Variants in IQSEC1 observed in about 807,000 individuals in gnomAD.
IQSEC1 encodes IQ motif and Sec7 domain ArfGEF 1.
IQSEC1 carries 31 observed loss-of-function variants against 91.0 expected under a neutral mutation model. The ratio of observed to expected loss-of-function variants is 0.34; its 90% confidence interval spans 0.26 to 0.46. The LOEUF (loss-of-function observed/expected upper bound fraction) is 0.46. Among genes scored for constraint, IQSEC1 ranks in the 20% least tolerant of loss-of-function variants. The probability of loss-of-function intolerance (pLI) is 1.00; values close to 1 mark genes in which losing one functional copy is unlikely to be tolerated. For missense variants in IQSEC1, 1,388 were observed against 1,575.6 expected, an observed-to-expected ratio of 0.88 and a Z score of 2.02; for synonymous variants, 699 against 662.6, an observed-to-expected ratio of 1.05 and a Z score of -0.84.
chr3:13,190,420 A>T (rs1275660997), intron 1 of IQSEC1, among the ~76,000 whole-genome samples: 2 of 152,180 alleles, frequency 1.3e-5, no homozygotes, highest in East Asian at 3.9e-4. Context: ...AAAATAAAAA[A>T]AATTAGCCAG....
intron 1 of IQSEC1, among the ~76,000 whole-genome samples, chr3:13,249,059 C>T (rs994954906): frequency 3.9e-5 from 6 of 152,062 alleles, no homozygotes; most frequent in Middle Eastern, 3.4e-3. Flanking sequence ...CAGAGTCTGT[C>T]TCTCATCACT....
chr3:13,229,482 T>G (rs527256309), intron 1 of IQSEC1, among the ~76,000 whole-genome samples: 5 of 152,274 alleles, frequency 3.3e-5, no homozygotes, highest in African/African-American at 1.2e-4. Context: ...GAATGCCCAA[T>G]CGAGGCAGTA....
Position 12,908,329 on chromosome 3 carries a change from G to T in IQSEC1, c.2755+20C>A. On this transcript the variant is annotated intron_variant, in intron 12 of 13. Coordinates refer to ENST00000613206, the MANE Select transcript of IQSEC1 (RefSeq NM_001134382.3). This position sits in a 1 kb window ranked among gnomAD's most constrained non-coding sequence, Gnocchi z 4.9. ...TTGCATGCGCTGGGCTAGCAAGGTG[G>T]TTCTAGGCCAAGCTCTTACCGGCTT... The T allele has an allele frequency of 6.2e-7, 1 of 1,610,206 alleles. No homozygotes were observed. The highest frequency in any genetic ancestry group is 8.5e-7 in the Non-Finnish European group (1 of 1,179,414).
In IQSEC1 at chr3:12,900,952, T is replaced by G. The variant is rs928560408; in HGVS notation, c.*31A>C. The G allele has an allele frequency of 3.2e-6, 5 of 1,540,372 alleles. No homozygotes were observed. Among genetic ancestry groups the G allele is most frequent in the Non-Finnish European group, 4.4e-6 (5 of 1,146,702 alleles). Reference sequence around the variant, plus strand: ...GTGCCCTGTGTGGTGTGCAGGTGTTTCAGGGAGCCTGGGACCCCTACCCAG... The same window carrying G: ...GTGCCCTGTGTGGTGTGCAGGTGTTGCAGGGAGCCTGGGACCCCTACCCAG... On this transcript the variant is annotated 3_prime_UTR_variant, in exon 14 of 14. Coordinates refer to ENST00000613206, the MANE Select transcript of IQSEC1 (RefSeq NM_001134382.3).
chr3:13,071,667 C>T (rs1408213588), intron 1 of IQSEC1, among the ~76,000 whole-genome samples: 4 of 152,214 alleles, frequency 2.6e-5, no homozygotes, highest in Non-Finnish European at 4.4e-5. Flanking sequence ...TGAGCTTCTC[C>T]ACTAAAAAAG....
At chr3:12,997,851 T>G (rs1027091947) in intron 1 of IQSEC1, among the ~76,000 whole-genome samples, 9 of 152,228 alleles carry the variant, frequency 5.9e-5, no homozygotes, top group Non-Finnish European at 1.3e-4. Context: ...AATATGGTAT[T>G]ATCATCTTAT....
intron 12 of IQSEC1, among the ~76,000 whole-genome samples, chr3:12,906,678 G>A (rs115050687): frequency 0.01 from 1,559 of 152,284 alleles, 13 homozygotes; most frequent in South Asian, 0.027. Context: ...CCCCTCACAC[G>A]AACCTGGGGC....
At chr3:13,249,328 C>T (rs1013743429) in intron 1 of IQSEC1, among the ~76,000 whole-genome samples, 4 of 151,996 alleles carry the variant, frequency 2.6e-5, no homozygotes, top group East Asian at 1.9e-4. Context: ...CCCGCCAGCA[C>T]GCCCGGCTAA....
intron 1 of IQSEC1, chr3:13,015,841 T>G (rs1247561974): frequency 8.2e-6 from 3 of 367,364 alleles, no homozygotes; most frequent in Non-Finnish European, 1.1e-5. Context: ...ATGGCTTCAC[T>G]GGGCAGGCCC....
chr3:12,917,238 G>A (rs1017796226), intron 6 of IQSEC1, among the ~76,000 whole-genome samples: 5 of 152,034 alleles, frequency 3.3e-5, no homozygotes, highest in East Asian at 1.9e-4. Context: ...GAGCCTACAC[G>A]GACACATCAG....
intron 1 of IQSEC1, among the ~76,000 whole-genome samples, chr3:12,993,987 G>C (rs1258230169): frequency 6.6e-6 from 1 of 150,920 alleles, no homozygotes; most frequent in African/African-American, 2.4e-5. Context: ...GCCGCCCCGC[G>C]GAGGGCATTC....
chr3:13,228,831 C>G (rs925719517), intron 1 of IQSEC1, among the ~76,000 whole-genome samples: 27 of 152,234 alleles, frequency 1.8e-4, no homozygotes, highest in African/African-American at 6.5e-4. Flanking sequence ...TCGGTACCGA[C>G]AGGATCCCTT....
chr3:12,934,259 A>G (rs1303597750), intron 3 of IQSEC1, among the ~76,000 whole-genome samples: 4 of 152,238 alleles, frequency 2.6e-5, no homozygotes, highest in Non-Finnish European at 5.9e-5. Flanking sequence ...CTTTGTTCTT[A>G]GCTGAGCAAA....
intron 1 of IQSEC1, among the ~76,000 whole-genome samples, chr3:12,991,102 A>G (rs1004138525): frequency 5.4e-4 from 82 of 152,272 alleles, no homozygotes; most frequent in African/African-American, 1.9e-3. Context: ...AGTCTGGAAG[A>G]CTGGTATATT....
Position 12,924,561 on chromosome 3 carries a change from C to G in IQSEC1, c.1730+20G>C. ...GCGTGTGTGGAATCAGGTCCCCCAC[C>G]ACCCCCATGCAGAACTTACTCGAGC... On this transcript the variant is annotated intron_variant, in intron 4 of 13. Transcript: ENST00000613206. This position sits in a 1 kb window ranked among gnomAD's most constrained non-coding sequence, Gnocchi z 6.3. The G allele has an allele frequency of 6.4e-7, 1 of 1,562,622 alleles. No homozygotes were observed. Among genetic ancestry groups the G allele is most frequent in the East Asian group, 2.4e-5 (1 of 42,510 alleles).
At chr3:13,053,452 C>A (rs533665316) in intron 1 of IQSEC1, among the ~76,000 whole-genome samples, 1 of 152,312 alleles carries the variant, frequency 6.6e-6, no homozygotes, top group Middle Eastern at 3.4e-3. Flanking sequence ...GGCCTCAGGG[C>A]GGGGTCTAGG....
chr3:13,112,439 A>AGGT (rs1447784151), intron 2 of IQSEC1, among the ~76,000 whole-genome samples: 1 of 152,238 alleles, frequency 6.6e-6, no homozygotes, highest in East Asian at 1.9e-4. Context: ...GCTGCATGGG[A>AGGT]GGTGGCGCTC....
At chr3:12,902,084 G>A (rs1694377141) in intron 13 of IQSEC1, among the ~76,000 whole-genome samples, 1 of 152,132 alleles carries the variant, frequency 6.6e-6, no homozygotes, top group African/African-American at 2.4e-5. Flanking sequence ...GGGCTGCCTA[G>A]GCATTTCACT....
intron 1 of IQSEC1, among the ~76,000 whole-genome samples, chr3:13,029,434 C>G (rs1455138999): frequency 6.6e-6 from 1 of 152,188 alleles, no homozygotes; most frequent in African/African-American, 2.4e-5. Context: ...TGCTTCATAA[C>G]CGCTACATAA....
Sources: allele counts gnomAD v4.1 joint callset (sites outside exome capture counted in the v4.1 genomes callset), GRCh38; gene constraint gnomAD v4.1.1; non-coding constraint Gnocchi (gnomAD v3.1); transcripts MANE v1.5; gene names NCBI Gene and HGNC (gene_info 2026-07-23, HGNC 2026-07-21).